THAP10: variants seen among roughly 807,000 people sequenced by gnomAD.
THAP10 encodes the protein THAP domain-containing protein 10.
In THAP10, 10 loss-of-function variants were observed where a neutral mutation model predicts 15.7. The observed-to-expected ratio is 0.64, with a 90% confidence interval of 0.39 to 1.08. The LOEUF (loss-of-function observed/expected upper bound fraction) is 1.08, where lower values mean the gene tolerates loss of function less well. Ranked by LOEUF, THAP10 falls within the 50% of genes least tolerant of loss-of-function variation. The pLI is 0.01. For synonymous variants in THAP10, 127 were observed against 129.1 expected (o/e 0.98, Z 0.11); for missense variants, 310 against 330.9 (o/e 0.94, Z 0.49).
At chr15:70,889,544 T>C (rs1349036330) in intron 1 of THAP10, among the ~76,000 whole-genome samples, 2 of 152,202 alleles carry the variant, frequency 1.3e-5, no homozygotes, top group Non-Finnish European at 2.9e-5. Flanking sequence ...CTTTTCTGTG[T>C]ATTTGCTATA....
chr15:70,890,760 A>G (rs2033533541), intron 1 of THAP10, among the ~76,000 whole-genome samples: 1 of 152,212 alleles, frequency 6.6e-6, no homozygotes, highest in African/African-American at 2.4e-5. Flanking sequence ...CCAGGATATT[A>G]TAATACATGC....
chr15:70,892,072 C>A lies in THAP10; in HGVS notation c.201G>T (p.Ser67=). 2 of 1,613,840 alleles carry A rather than the reference C, an allele frequency of 1.2e-6. No homozygotes were observed. The highest frequency in any genetic ancestry group is 8.5e-7 in the Non-Finnish European group (1 of 1,179,904). The change falls in exon 1 of 3, where the codon TCG becomes TCT. Residue 67 remains serine (S), a synonymous_variant. Coordinates refer to ENST00000249861, the MANE Select transcript of THAP10 (RefSeq NM_020147.4). ...HFAPACFDVS[S]VIQKNLRFSQ... is the part of the protein sequence containing the mutation. ...AGAAGCGCAGGTTCTTCTGGATAAC[C>A]GAAGAGACGTCAAAACAGGCTGGGG...
At chr15:70,890,261 T>C (rs2033518366) in intron 1 of THAP10, among the ~76,000 whole-genome samples, 1 of 152,124 alleles carries the variant, frequency 6.6e-6, no homozygotes, top group African/African-American at 2.4e-5. Context: ...CACATATATA[T>C]GTATGTGGAT....
At position 70,882,599 on chromosome 15, in the gene THAP10, G is replaced by GT. The variant is rs1371849572; in HGVS notation, c.628dup (p.Thr210AsnfsTer9). 1.9e-6 allele frequency: 3 copies of GT among 1,613,928 alleles called. No homozygotes were observed. In the African/African-American group the frequency reaches 4.0e-5, roughly 22 times the overall value. ...TCTAGACCACAATTCCTCTGTCTGA[G>GT]TAGTTGCATTACACAGTCTTTTTCC... On this transcript the variant is annotated frameshift_variant, in exon 3 of 3. Transcript: ENST00000249861. LOFTEE classifies it low-confidence loss of function (END_TRUNC).
Position 70,892,408 on chromosome 15 carries a change from C to A in THAP10, c.-136G>T. 1.3e-6 allele frequency: 2 copies of A among 1,539,990 alleles called. No individual in the cohort carries two copies. The highest frequency in any genetic ancestry group is 1.7e-6 in the Non-Finnish European group (2 of 1,146,514). On this transcript the variant is annotated 5_prime_UTR_variant, in exon 1 of 3. Coordinates refer to ENST00000249861, the MANE Select transcript of THAP10 (RefSeq NM_020147.4). ...CGGGTCGGGATTGTTTCCTTCCCTA[C>A]CTCTGGTCACCGGAAGTGGCGATCT...
At chr15:70,884,816 C>A (rs2033362812) in intron 1 of THAP10, among the ~76,000 whole-genome samples, 1 of 152,068 alleles carries the variant, frequency 6.6e-6, no homozygotes, top group Admixed American at 6.5e-5. Flanking sequence ...ACATTTTTTA[C>A]TGCAAAAATT....
In THAP10 at chr15:70,892,136, C is replaced by T; in HGVS notation, c.137G>A (p.Gly46Glu). ...GCAGATGACCGAGCGGTCATTGCCT[C>T]CGTACCAGTCGGCGCGGCAACCCCG... ...FVRGCRADWY[G>E]GNDRSVICSD... The change falls in exon 1 of 3, where the codon GGA becomes GAA. Residue 46 changes from glycine (G) to glutamate (E), a missense_variant. By Grantham distance (98) the Gly-to-Glu change is moderately conservative. Coordinates refer to ENST00000249861, the MANE Select transcript of THAP10 (RefSeq NM_020147.4). 6.2e-7 allele frequency: 1 copy of T among 1,613,678 alleles called. No individual in the cohort carries two copies. The highest frequency in any genetic ancestry group is 8.5e-7 in the Non-Finnish European group (1 of 1,179,840).
At chr15:70,884,917 ATGTG>A (rs1309889637) in intron 1 of THAP10, among the ~76,000 whole-genome samples, 1 of 152,152 alleles carries the variant, frequency 6.6e-6, no homozygotes, top group Non-Finnish European at 1.5e-5. Flanking sequence ...TTGTCTTTTT[ATGTG>A]TATTTTTAAA....
Position 70,892,030 on chromosome 15 carries a change from C to G in THAP10, c.243G>C (p.Leu81=). 2 of 1,613,260 alleles carry G rather than the reference C, an allele frequency of 1.2e-6. No individual in the cohort carries two copies. The highest frequency in any genetic ancestry group is 8.5e-7 in the Non-Finnish European group (1 of 1,179,658). Residue 81 remains leucine (L), a synonymous_variant, in exon 1 of 3, where the codon CTG becomes CTC. Coordinates refer to ENST00000249861, the MANE Select transcript of THAP10 (RefSeq NM_020147.4). Reference sequence around the variant, plus strand: ...GCAGGGTGGGCACGGCGCCTGCCACCAGCCTCAGGCGCTGGGAGAAGCGCA... The same window carrying G: ...GCAGGGTGGGCACGGCGCCTGCCACGAGCCTCAGGCGCTGGGAGAAGCGCA... ...KNLRFSQRLR[L]VAGAVPTLHR...
At chr15:70,891,581 G>C (rs992228421) in intron 1 of THAP10, among the ~76,000 whole-genome samples, 5 of 45,784 alleles carry the variant, frequency 1.1e-4, no homozygotes, top group African/African-American at 5.4e-4. Context: ...GTGTGTGTGT[G>C]TGTGTGTGTG....
In THAP10 at chr15:70,882,886, A is replaced by G; in HGVS notation, c.452T>C (p.Val151Ala). Reference protein sequence around the residue: ...ASQITCENELVQTQPHADNPS... With the variant: ...ASQITCENELAQTQPHADNPS... ...ATTATCAGCATGGGGTTGGGTTTGC[A>G]CAAGTTCATTTTCACACGTAATCTA... Residue 151 changes from valine (V) to alanine (A), a missense_variant, in exon 2 of 3, where the codon GTG becomes GCG. Coordinates refer to ENST00000249861, the MANE Select transcript of THAP10 (RefSeq NM_020147.4). 2 of 1,614,030 alleles carry G rather than the reference A, an allele frequency of 1.2e-6. No individual in the cohort carries two copies. The highest frequency in any genetic ancestry group is 1.1e-5 in the South Asian group (1 of 91,020).
chr15:70,890,948 CTTT>C (rs2033540886), intron 1 of THAP10, among the ~76,000 whole-genome samples: 1 of 152,110 alleles, frequency 6.6e-6, no homozygotes, highest in African/African-American at 2.4e-5. Context: ...TAATTTTGCT[CTTT>C]ATCTTAATAA....
chr15:70,891,865 C>A lies in THAP10; in HGVS notation c.408G>T (p.Gly136=), dbSNP rs2033587055. Residue 136 remains glycine (G), a synonymous_variant, in exon 1 of 3, where the codon GGG becomes GGT. Coordinates refer to ENST00000249861, the MANE Select transcript of THAP10 (RefSeq NM_020147.4). ...GPVSCTRPRA[G]KQAAASQITC... ...TTACCTGTGAAGCTGCAGCCTGCTT[C>A]CCAGCTCGGGGGCGTGTACAGGAGA... 1.9e-6 allele frequency: 3 copies of A among 1,602,208 alleles called. No homozygotes were observed. The highest frequency in any genetic ancestry group is 2.6e-6 in the Non-Finnish European group (3 of 1,174,898).
intron 1 of THAP10, among the ~76,000 whole-genome samples, chr15:70,883,985 T>C (rs1296348280): frequency 6.6e-6 from 1 of 151,932 alleles, no homozygotes; most frequent in Non-Finnish European, 1.5e-5. Context: ...GGAACTAATA[T>C]GGGTGAGAGG....
In THAP10 at chr15:70,882,264, A is replaced by T. The variant is rs551828351; in HGVS notation, c.*190T>A. The T allele has an allele frequency of 2.4e-5, 12 of 504,402 alleles. No homozygotes were observed. In the South Asian group the frequency reaches 4.8e-4, roughly 20 times the overall value. 31.2% of individuals were successfully genotyped at this position (504,402 alleles called of 1,614,324 possible). Reference sequence around the variant, plus strand: ...AAAAAGGTGAAAGTAGAGAATAGGGATGTTTGTGGGTAGGTATTATCTTCA... The same window carrying T: ...AAAAAGGTGAAAGTAGAGAATAGGGTTGTTTGTGGGTAGGTATTATCTTCA... On this transcript the variant is annotated 3_prime_UTR_variant, in exon 3 of 3. Coordinates refer to ENST00000249861, the MANE Select transcript of THAP10 (RefSeq NM_020147.4).
At chr15:70,888,081 G>GTC (rs2033457680) in intron 1 of THAP10, among the ~76,000 whole-genome samples, 1 of 152,116 alleles carries the variant, frequency 6.6e-6, no homozygotes, top group African/African-American at 2.4e-5. Context: ...GATTAGAAGA[G>GTC]TCAATATTGT....
chr15:70,886,972 T>C (rs776352843), intron 1 of THAP10, among the ~76,000 whole-genome samples: 2 of 152,022 alleles, frequency 1.3e-5, no homozygotes, highest in Non-Finnish European at 2.9e-5. Context: ...AATACAAGAT[T>C]ATCATGAAGG....
At position 70,892,190 on chromosome 15, in the gene THAP10, G is replaced by T; in HGVS notation, c.83C>A (p.Ala28Asp). The change falls in exon 1 of 3, where the codon GCC (alanine) becomes GAC (aspartate). Residue 28 changes from alanine to aspartate, a missense_variant. Transcript: ENST00000249861. ...GAAGCGGTCCCAGAGCAGCCGCACG[G>T]CCCGGTCCTTGGGAAAGCGGAACAG... is the stretch of plus-strand genomic sequence containing the variant. ...KSLFRFPKDR[A>D]VRLLWDRFVR... is the part of the protein sequence containing the mutation. 1 of 1,608,778 alleles carries T rather than the reference G, an allele frequency of 6.2e-7. No individual in the cohort carries two copies. Among genetic ancestry groups the T allele is most frequent in the Admixed American group, 1.7e-5 (1 of 59,358 alleles).
chr15:70,889,358 T>C (rs2033492557), intron 1 of THAP10, among the ~76,000 whole-genome samples: 1 of 147,372 alleles, frequency 6.8e-6, no homozygotes, highest in African/African-American at 2.5e-5. Context: ...TTATATGAAA[T>C]CCCCCCCCCA....
Sources: gnomAD v4.1 joint callset for allele counts (sites outside exome capture counted in the v4.1 genomes callset) on GRCh38, gnomAD v4.1.1 for gene constraint, MANE v1.5 for transcripts, NCBI Gene and HGNC (gene_info 2026-07-23, HGNC 2026-07-21) for gene names.